The following ADGRL3 variants were observed in gnomAD, a reference collection of about 807,000 sequenced individuals.
ADGRL3 encodes the protein adhesion G protein-coupled receptor L3.
In ADGRL3, 62 loss-of-function variants were observed where a neutral mutation model predicts 153.5. The observed-to-expected ratio is 0.40, with a 90% CI of 0.33 to 0.50. The LOEUF (loss-of-function observed/expected upper bound fraction) is 0.50. ADGRL3 is among the 20% of genes least tolerant of loss of function. The pLI, the probability that ADGRL3 is intolerant of heterozygous loss-of-function variation, is 0.47. For missense variants in ADGRL3, 1,641 were observed against 1,859.4 expected (o/e 0.88, Z 2.16); for synonymous variants, 710 against 672.5 (o/e 1.06, Z -0.86).
chr4:61,700,721 T>G (rs2095741980), intron 6 of ADGRL3, among the ~76,000 whole-genome samples: 1 of 152,140 alleles, frequency 6.6e-6, no homozygotes, highest in Non-Finnish European at 1.5e-5. Context: ...AAAATGAAAA[T>G]CAAGAAATGT....
chr4:61,750,810 A>AAAAAAAAGAAAG (rs746270309), intron 8 of ADGRL3, among the ~76,000 whole-genome samples: 9 of 147,094 alleles, frequency 6.1e-5, no homozygotes, highest in African/African-American at 2.4e-4. Flanking sequence ...AAAAAAAAAA[A>AAAAAAAAGAAAG]AAGTCAAAGC....
In ADGRL3 at chr4:61,409,403, T is replaced by TG. The variant is rs1430387038; in HGVS notation, c.-174+26214_-174+26215insG. On this transcript the variant is annotated intron_variant, in intron 2 of 26. Transcript: ENST00000683033. Reference sequence around the variant, plus strand: ...ATATTATATATATATTAGACATACATAATATATATATATATATTATATATA... The same window carrying TG: ...ATATTATATATATATTAGACATACATGAATATATATATATATATTATATATA... Among the ~76,000 whole-genome samples, 151 of 32,976 alleles carry TG rather than the reference T, an allele frequency of 4.6e-3. 1 individual carries two copies. The highest frequency in any genetic ancestry group is 6.3e-3 in the African/African-American group (143 of 22,762). 21.6% of individuals were successfully genotyped at this position (32,976 alleles called of 152,430 possible).
chr4:61,282,115 C>T (rs946576640), intron 1 of ADGRL3, among the ~76,000 whole-genome samples: 2 of 151,988 alleles, frequency 1.3e-5, no homozygotes, highest in African/African-American at 4.8e-5. Flanking sequence ...AAAATAAAAA[C>T]TGATAACTTC....
rs1369096576 is a variant in ADGRL3 at position 61,201,103 on chromosome 4, G to C, written c.-902G>C. Among the ~76,000 whole-genome samples the C allele has an allele frequency of 6.6e-6, 1 of 152,080 alleles. No individual in the cohort carries two copies. The highest frequency in any genetic ancestry group is 1.5e-5 in the Non-Finnish European group (1 of 68,008). On this transcript the variant is annotated 5_prime_UTR_variant, in exon 1 of 27. Transcript: ENST00000683033. ...GGAGAAGCCACCCCTGGCCCTCGCG[G>C]CTCCCCCTACCTATTCCATCGCTCC...
At chr4:61,744,341 A>G (rs1185666020) in intron 8 of ADGRL3, among the ~76,000 whole-genome samples, 1 of 152,166 alleles carries the variant, frequency 6.6e-6, no homozygotes, top group Non-Finnish European at 1.5e-5. Flanking sequence ...GTCCCTGTTT[A>G]AGAGCTTTGA....
At chr4:61,779,316 G>T (rs372032099) in intron 8 of ADGRL3, among the ~76,000 whole-genome samples, 1 of 151,824 alleles carries the variant, frequency 6.6e-6, no homozygotes, top group South Asian at 2.1e-4. Context: ...AACTCTGCGG[G>T]GGGGTGGAGC....
At chr4:61,843,171 C>G (rs1417325438) in intron 9 of ADGRL3, among the ~76,000 whole-genome samples, 1 of 152,138 alleles carries the variant, frequency 6.6e-6, no homozygotes, top group Non-Finnish European at 1.5e-5. Context: ...TATAAAACTT[C>G]TTTAATTTCC....
intron 18 of ADGRL3, among the ~76,000 whole-genome samples, chr4:61,980,306 ATTTTTTTTTT>A (rs756680977): frequency 1.2e-4 from 9 of 74,430 alleles, no homozygotes; most frequent in Admixed American, 5.2e-4. Context: ...GTAACCACTA[ATTTTTTTTTT>A]TTTTTTTTTT....
intron 1 of ADGRL3, among the ~76,000 whole-genome samples, chr4:61,205,116 G>A (rs2148741230): frequency 6.6e-6 from 1 of 152,226 alleles, no homozygotes; most frequent in African/African-American, 2.4e-5. Context: ...TATAGCCAAG[G>A]AAATCATAAA....
At chr4:61,305,166 G>A (rs2094728633) in intron 1 of ADGRL3, among the ~76,000 whole-genome samples, 1 of 146,836 alleles carries the variant, frequency 6.8e-6, no homozygotes, top group Non-Finnish European at 1.5e-5. Context: ...AGCAGATTTT[G>A]CAAGTGACTT....
chr4:61,788,103 C>A (rs1322527804), intron 8 of ADGRL3, among the ~76,000 whole-genome samples: 1 of 152,118 alleles, frequency 6.6e-6, no homozygotes, highest in African/African-American at 2.4e-5. Context: ...ACCATTAGAG[C>A]AACTCATAAA....
chr4:61,501,790 T>C (rs1206969058), intron 3 of ADGRL3, among the ~76,000 whole-genome samples: 1 of 152,236 alleles, frequency 6.6e-6, no homozygotes, highest in Non-Finnish European at 1.5e-5. Flanking sequence ...CTGGTCCATG[T>C]TTTGTATAGA....
chr4:61,272,601 T>G (rs1578068249), intron 1 of ADGRL3, among the ~76,000 whole-genome samples: 1 of 152,240 alleles, frequency 6.6e-6, no homozygotes, highest in East Asian at 1.9e-4. Flanking sequence ...TGGAATACAC[T>G]GCTATGGCCT....
chr4:61,294,905 A>ACT (rs1330067902), intron 1 of ADGRL3, among the ~76,000 whole-genome samples: 3 of 20,328 alleles, frequency 1.5e-4, no homozygotes, highest in African/African-American at 4.8e-4. Context: ...ACACACACTC[A>ACT]CACACACACA....
intron 2 of ADGRL3, among the ~76,000 whole-genome samples, chr4:61,493,717 A>G (rs1015929427): frequency 2.6e-5 from 4 of 152,016 alleles, no homozygotes; most frequent in Non-Finnish European, 5.9e-5. Context: ...CGGGTTCTCC[A>G]CTCTTCACAA....
At chr4:61,848,984 A>C (rs1003436025) in intron 9 of ADGRL3, among the ~76,000 whole-genome samples, 4 of 152,208 alleles carry the variant, frequency 2.6e-5, no homozygotes, top group Admixed American at 6.5e-5. Flanking sequence ...TTATGAAGCT[A>C]AAGTTAGTTC....
At chr4:61,391,622 T>C (rs2096803223) in intron 2 of ADGRL3, among the ~76,000 whole-genome samples, 1 of 152,112 alleles carries the variant, frequency 6.6e-6, no homozygotes. Context: ...AGTAAGTCTA[T>C]CTATTGATTT....
At chr4:61,447,745 G>C (rs141776982) in intron 2 of ADGRL3, among the ~76,000 whole-genome samples, 1 of 152,086 alleles carries the variant, frequency 6.6e-6, no homozygotes, top group Non-Finnish European at 1.5e-5. Context: ...CCCCTTTTCT[G>C]TAAGTCTTTT....
intron 4 of ADGRL3, among the ~76,000 whole-genome samples, chr4:61,572,457 T>G (rs1276025971): frequency 6.6e-6 from 1 of 152,108 alleles, no homozygotes; most frequent in Admixed American, 6.6e-5. Context: ...TAGACTTACT[T>G]AAAATTCTTC....
Sources: gnomAD v4.1 joint callset for allele counts (sites outside exome capture counted in the v4.1 genomes callset) on GRCh38, gnomAD v4.1.1 for gene constraint, MANE v1.5 for transcripts, NCBI Gene and HGNC (gene_info 2026-07-23, HGNC 2026-07-21) for gene names.